Variants in HIRA observed in about 807,000 individuals in gnomAD.
HIRA encodes the protein histone cell cycle regulator.
Under a neutral mutation model 126.6 loss-of-function variants are expected in HIRA, and 13 were observed. The observed-to-expected ratio is 0.10, with a 90% CI of 0.07 to 0.16. HIRA has a LOEUF of 0.16. Among genes scored for constraint, HIRA ranks in the 10% least tolerant of loss-of-function variants. HIRA has a pLI of 1.00. For missense variants in HIRA, 834 were observed against 1,314.4 expected (o/e 0.63, Z 5.65); for synonymous variants, 511 against 520.0 (o/e 0.98, Z 0.24).
Position 19,427,337 on chromosome 22 carries a change from T to C in HIRA, c.37+4103A>G, listed in dbSNP as rs2089496406. Among the ~76,000 whole-genome samples the C allele has an allele frequency of 3.9e-5, 6 of 152,232 alleles. No individual in the cohort carries two copies. The South Asian group carries it at 1.2e-3, about 32-fold the overall frequency. On this transcript the variant is annotated intron_variant, in intron 1 of 24. Transcript: ENST00000263208. ...TCATATAACCTCACCATTAGGATCC[T>C]TTCCCTGCCAATTCTCAGACATAGG...
In HIRA at chr22:19,354,611, CTT is replaced by C. The variant is rs1326736047; in HGVS notation, c.2562-495_2562-494del. 2.6e-5 allele frequency among the ~76,000 whole-genome samples: 4 copies of C among 152,240 alleles called. No individual in the cohort carries two copies. In the East Asian group the frequency reaches 7.7e-4, roughly 29 times the overall value. ...CCTTGTGAAGAAGACTCTTCACACACTTTTAGAACAGCTAGATGTCTTTGTAA... is the reference window on the plus strand; with the variant it reads ...CCTTGTGAAGAAGACTCTTCACACACTTAGAACAGCTAGATGTCTTTGTAA... On this transcript the variant is annotated intron_variant, in intron 21 of 24. Coordinates refer to ENST00000263208, the MANE Select transcript of HIRA (RefSeq NM_003325.4).
chr22:19,430,544 C>T (rs114145279), intron 1 of HIRA, among the ~76,000 whole-genome samples: 2,619 of 152,062 alleles, frequency 0.017, 63 homozygotes, highest in African/African-American at 0.059. Flanking sequence ...TGACCCTTTG[C>T]CTGTCAACAG....
At chr22:19,370,777 C>T (rs2088957716) in intron 15 of HIRA, among the ~76,000 whole-genome samples, 1 of 152,240 alleles carries the variant, frequency 6.6e-6, no homozygotes, top group Admixed American at 6.5e-5. Context: ...GGAAGCTCAG[C>T]CCCAAGTGAA....
At position 19,392,104 on chromosome 22, in the gene HIRA, G is replaced by C. The variant is rs2089188049; in HGVS notation, c.933C>G (p.Val311=). 1 of 1,575,112 alleles carries C rather than the reference G, an allele frequency of 6.3e-7. No individual in the cohort carries two copies. Among genetic ancestry groups the C allele is most frequent in the South Asian group, 1.1e-5 (1 of 89,414 alleles). Residue 311 remains valine, a synonymous_variant, in exon 9 of 25, where the codon GTC becomes GTG. Transcript: ENST00000263208. ...AVGSKDRSLS[V]WLTCLKRPLV... ...AAGCTCAGGATAGCAGGCTCACCCA[G>C]ACAGAAAGCGAGCGGTCCTTGCTGC...
chr22:19,412,443 G>C (rs546209937), intron 1 of HIRA, among the ~76,000 whole-genome samples: 2 of 152,338 alleles, frequency 1.3e-5, no homozygotes, highest in Admixed American at 6.5e-5. Flanking sequence ...TTAGGGGTTT[G>C]TCATATAAGA....
In HIRA at chr22:19,377,878, T is replaced by G; in HGVS notation, c.1604A>C (p.Asn535Thr). 6.2e-7 allele frequency: 1 copy of G among 1,610,078 alleles called. No homozygotes were observed. The highest frequency in any genetic ancestry group is 8.5e-7 in the Non-Finnish European group (1 of 1,178,072). Residue 535 changes from asparagine to threonine, a missense_variant, in exon 14 of 25, where the codon AAT becomes ACT. Physicochemically the swap from Asn to Thr is moderately conservative, Grantham distance 65. Coordinates refer to ENST00000263208, the MANE Select transcript of HIRA (RefSeq NM_003325.4). ...CTTGGCACCCACTAACCTGTCTTTA[T>G]TGACAGAATCGCCTGCAGGTCTGGC... ...ASARPAGDSV[N>T]KDSMNATSTP...
At chr22:19,370,370 A>C (rs1213467561) in intron 15 of HIRA, among the ~76,000 whole-genome samples, 1 of 152,134 alleles carries the variant, frequency 6.6e-6, no homozygotes, top group Non-Finnish European at 1.5e-5. Flanking sequence ...CAGCCTCCTG[A>C]GTAGCTGGGA....
In HIRA at chr22:19,357,010, A is replaced by G; in HGVS notation, c.2276T>C (p.Val759Ala). The G allele has an allele frequency of 1.2e-6, 2 of 1,614,114 alleles. No homozygotes were observed. The highest frequency in any genetic ancestry group is 1.3e-5 in the African/African-American group (1 of 75,074). Reference protein sequence around the residue: ...CVACEKRMLSVFSTCGRRLLS... With the variant: ...CVACEKRMLSAFSTCGRRLLS... The stretch of plus-strand genomic sequence containing the variant: ...GAGACGGCGACCACAGGTGGAGAAC[A>G]CTGACAGCATCCTTTTTTCACAGGC... The change falls in exon 19 of 25, where the codon GTG (valine) becomes GCG (alanine). Residue 759 changes from valine (V) to alanine (A), a missense_variant. By Grantham distance (64) the Val-to-Ala change is moderately conservative. Coordinates refer to ENST00000263208, the MANE Select transcript of HIRA (RefSeq NM_003325.4).
Position 19,355,881 on chromosome 22 carries a change from G to A in HIRA, c.2456-16C>T. ...ATATCACTTCCTGAGGACAGCATGGGAATGAGTTCTGGGTGTGCTCTGATC... is the reference window on the plus strand; with the variant it reads ...ATATCACTTCCTGAGGACAGCATGGAAATGAGTTCTGGGTGTGCTCTGATC... On this transcript the variant is annotated splice_polypyrimidine_tract_variant and intron_variant, in intron 20 of 24. Coordinates refer to ENST00000263208, the MANE Select transcript of HIRA (RefSeq NM_003325.4). 6.4e-7 allele frequency: 1 copy of A among 1,561,062 alleles called. No individual in the cohort carries two copies. The highest frequency in any genetic ancestry group is 8.8e-7 in the Non-Finnish European group (1 of 1,132,814).
intron 1 of HIRA, among the ~76,000 whole-genome samples, chr22:19,430,843 A>G (rs2089529660): frequency 6.6e-6 from 1 of 152,192 alleles, no homozygotes; most frequent in African/African-American, 2.4e-5. Context: ...CCTCTGCTAG[A>G]ACACACCTGT....
intron 9 of HIRA, among the ~76,000 whole-genome samples, chr22:19,391,637 C>T (rs375264029): frequency 1.3e-5 from 2 of 152,026 alleles, no homozygotes; most frequent in African/African-American, 4.8e-5. Context: ...CCCACCACCA[C>T]GCCCAGCTAA....
chr22:19,333,558 T>G (rs782338398), intron 24 of HIRA, among the ~76,000 whole-genome samples: 10 of 152,222 alleles, frequency 6.6e-5, no homozygotes, highest in Non-Finnish European at 1.3e-4. Context: ...TGTGTCTCAG[T>G]GCAGGTTCCT....
intron 20 of HIRA, 97 bp downstream of exon 20, chr22:19,356,133 G>A: frequency 8.4e-7 from 1 of 1,190,220 alleles, no homozygotes; most frequent in Admixed American, 1.7e-5. Flanking sequence ...GCCCTGGGCT[G>A]AGGCCAGAGC....
intron 5 of HIRA, among the ~76,000 whole-genome samples, chr22:19,398,549 C>T (rs1395747777): frequency 2.6e-5 from 4 of 152,242 alleles, no homozygotes; most frequent in South Asian, 2.1e-4. Context: ...TTGAGGCCCT[C>T]GTCTGGTTCA....
At chr22:19,372,214 C>A (rs1169579072) in intron 15 of HIRA, among the ~76,000 whole-genome samples, 2 of 152,216 alleles carry the variant, frequency 1.3e-5, no homozygotes, top group Non-Finnish European at 2.9e-5. Flanking sequence ...TCTGACAATT[C>A]TATGATCACA....
intron 21 of HIRA, among the ~76,000 whole-genome samples, chr22:19,355,371 A>T (rs1331073082): frequency 6.6e-6 from 1 of 152,176 alleles, no homozygotes; most frequent in Non-Finnish European, 1.5e-5. Context: ...TTACTAATTC[A>T]CTGAGGAAGT....
At chr22:19,387,926 AACTCCTGGTT>A in intron 10 of HIRA, 110 bp from the exon 11 acceptor site, 3 of 294,322 alleles carry the variant, frequency 1.0e-5, no homozygotes, top group South Asian at 7.8e-5. Flanking sequence ...AGATGCTGGA[AACTCCTGGTT>A]CCCTTCTGTG....
chr22:19,391,139 A>C lies in HIRA; in HGVS notation c.936+962T>G, dbSNP rs2146224739. On this transcript the variant is annotated intron_variant, in intron 9 of 24. Coordinates refer to ENST00000263208, the MANE Select transcript of HIRA (RefSeq NM_003325.4). Reference sequence around the variant, plus strand: ...TATAAACAAATTGTGGTGTATTCATACAGTGGAATGCTACACCGAAATTAT... The same window carrying C: ...TATAAACAAATTGTGGTGTATTCATCCAGTGGAATGCTACACCGAAATTAT... Among the ~76,000 whole-genome samples, 3 of 152,330 alleles carry C rather than the reference A, an allele frequency of 2.0e-5. No individual in the cohort carries two copies. The Middle Eastern group carries it at 0.01, about 518-fold the overall frequency.
At chr22:19,408,875 G>T (rs2089328078) in intron 2 of HIRA, among the ~76,000 whole-genome samples, 3 of 152,164 alleles carry the variant, frequency 2.0e-5, no homozygotes, top group South Asian at 4.1e-4. Context: ...CTCTGATCTG[G>T]CCTCTAACAC....
Sources: allele counts gnomAD v4.1 joint callset (sites outside exome capture counted in the v4.1 genomes callset), GRCh38; gene constraint gnomAD v4.1.1; transcripts MANE v1.5; gene names NCBI Gene and HGNC (gene_info 2026-07-23, HGNC 2026-07-21).